Variants in DOCK4 observed in about 807,000 individuals in gnomAD.
DOCK4 encodes the protein dedicator of cytokinesis 4.
DOCK4 carries 97 observed loss-of-function variants against 268.1 expected under a neutral mutation model. The observed-to-expected ratio is 0.36, with a 90% confidence interval of 0.31 to 0.43. The LOEUF (loss-of-function observed/expected upper bound fraction) is 0.43. DOCK4 is among the 20% of genes least tolerant of loss of function. DOCK4 has a pLI of 1.00. For synonymous variants in DOCK4, 954 were observed against 887.2 expected (o/e 1.08, Z -1.34); for missense variants, 2,145 against 2,455.7 (o/e 0.87, Z 2.67).
intron 26 of DOCK4, among the ~76,000 whole-genome samples, chr7:111,830,105 T>C (rs939947466): frequency 1.3e-5 from 2 of 152,176 alleles, no homozygotes; most frequent in Admixed American, 6.5e-5. Flanking sequence ...TTAAACAAAA[T>C]TGAGCACAGG....
At chr7:111,984,817 G>A (rs986303902) in intron 6 of DOCK4, among the ~76,000 whole-genome samples, 1 of 152,220 alleles carries the variant, frequency 6.6e-6, no homozygotes, top group Non-Finnish European at 1.5e-5. Flanking sequence ...CCTAGCACCA[G>A]TATACCTAGC....
At chr7:111,942,729 G>C (rs566923710) in intron 10 of DOCK4, among the ~76,000 whole-genome samples, 5 of 152,154 alleles carry the variant, frequency 3.3e-5, no homozygotes, top group African/African-American at 1.2e-4. Context: ...TTATACTCCT[G>C]CTCTTTTCAA....
At chr7:112,129,856 A>T (rs1813634931) in intron 1 of DOCK4, among the ~76,000 whole-genome samples, 1 of 152,188 alleles carries the variant, frequency 6.6e-6, no homozygotes, top group African/African-American at 2.4e-5. Context: ...AACAGAGACT[A>T]GATCTCATGC....
intron 1 of DOCK4, among the ~76,000 whole-genome samples, chr7:112,087,028 T>C (rs1809154471): frequency 6.6e-6 from 1 of 152,118 alleles, no homozygotes; most frequent in African/African-American, 2.4e-5. Flanking sequence ...AAAACTGAGA[T>C]AACCCTCAGG....
At chr7:111,836,978 A>G (rs549296484) in intron 25 of DOCK4, among the ~76,000 whole-genome samples, 111 of 152,258 alleles carry the variant, frequency 7.3e-4, no homozygotes, top group Middle Eastern at 3.4e-3. Flanking sequence ...AGAAATGAGA[A>G]AAAAACTTTT....
chr7:112,134,894 A>G (rs770447505), intron 1 of DOCK4, among the ~76,000 whole-genome samples: 9 of 152,144 alleles, frequency 5.9e-5, no homozygotes, highest in Non-Finnish European at 1.3e-4. Flanking sequence ...TCAGAATAAA[A>G]ATAATACATC....
At chr7:111,785,794 C>T (rs994243927) in intron 32 of DOCK4, among the ~76,000 whole-genome samples, 5 of 152,088 alleles carry the variant, frequency 3.3e-5, no homozygotes, top group Admixed American at 2.0e-4. Context: ...GCTAGGGAAC[C>T]CTGATAACAG....
At chr7:112,110,990 T>C (rs150578536) in intron 1 of DOCK4, among the ~76,000 whole-genome samples, 44 of 152,244 alleles carry the variant, frequency 2.9e-4, no homozygotes, top group African/African-American at 9.9e-4. Flanking sequence ...CAAACCCCCA[T>C]TGCCCCTTGG....
chr7:112,139,913 C>T (rs1361896716), intron 1 of DOCK4, among the ~76,000 whole-genome samples: 1 of 152,206 alleles, frequency 6.6e-6, no homozygotes, highest in South Asian at 2.1e-4. Context: ...CTGTGAGGAG[C>T]TCCAACCAAG....
intron 8 of DOCK4, among the ~76,000 whole-genome samples, chr7:111,969,559 A>G (rs1797533739): frequency 6.6e-6 from 1 of 152,040 alleles, no homozygotes; most frequent in Non-Finnish European, 1.5e-5. Context: ...AATTCAAACA[A>G]TCCTGCAAAG....
In DOCK4 at chr7:111,739,194, GCA is replaced by G; in HGVS notation, c.5170_5171del (p.Cys1724ProfsTer25). 1 of 1,614,000 alleles carries G rather than the reference GCA, an allele frequency of 6.2e-7. No individual in the cohort carries two copies. Among genetic ancestry groups the G allele is most frequent in the Middle Eastern group, 1.6e-4 (1 of 6,062 alleles). ...DKHKHSRENS[C>X]LSPRERPCSA... ...TGCATGGTCTCTCTCTTGGTGACAG[GCA>G]AGAGTTTTCTCGGGAATGTTTGTGT... On this transcript the variant is annotated frameshift_variant, in exon 49 of 53. Transcript: ENST00000428084. LOFTEE classifies it high-confidence loss of function.
chr7:111,773,580 C>T (rs1427642080), intron 36 of DOCK4, among the ~76,000 whole-genome samples: 2 of 151,590 alleles, frequency 1.3e-5, no homozygotes, highest in African/African-American at 4.8e-5. Context: ...CTTTTTGAAT[C>T]GAGAATTACC....
At chr7:112,160,140 TCTC>T (rs1372905408) in intron 1 of DOCK4, among the ~76,000 whole-genome samples, 1 of 152,148 alleles carries the variant, frequency 6.6e-6, no homozygotes, top group Non-Finnish European at 1.5e-5. Context: ...CAACCTGTAT[TCTC>T]CTCTGTCTAT....
chr7:112,096,824 A>C (rs575948824), intron 1 of DOCK4, among the ~76,000 whole-genome samples: 193 of 152,326 alleles, frequency 1.3e-3, no homozygotes, highest in Middle Eastern at 3.4e-3. Flanking sequence ...AGTATGGAGA[A>C]GGGCAACTGG....
intron 1 of DOCK4, among the ~76,000 whole-genome samples, chr7:112,008,961 C>T (rs2135346961): frequency 6.6e-6 from 1 of 152,336 alleles, no homozygotes; most frequent in South Asian, 2.1e-4. Context: ...CCACTGCACT[C>T]CAGCCTGGGC....
chr7:111,734,603 G>A (rs1051528162), intron 51 of DOCK4, among the ~76,000 whole-genome samples: 16 of 152,202 alleles, frequency 1.1e-4, no homozygotes, highest in Non-Finnish European at 7.3e-5. Flanking sequence ...TGGATACAAA[G>A]TTAATGACTC....
chr7:111,859,534 G>A (rs2134164071), intron 23 of DOCK4, among the ~76,000 whole-genome samples: 1 of 147,054 alleles, frequency 6.8e-6, no homozygotes, highest in African/African-American at 2.5e-5. Flanking sequence ...TCCTTTTGCT[G>A]TTGTAAAAAT....
At chr7:111,806,714 G>A (rs1291546373) in intron 30 of DOCK4, among the ~76,000 whole-genome samples, 1 of 152,210 alleles carries the variant, frequency 6.6e-6, no homozygotes, top group Non-Finnish European at 1.5e-5. Flanking sequence ...ACAGACTGCT[G>A]TGCCCCAATC....
chr7:111,922,394 A>G (rs1793216136), intron 12 of DOCK4, among the ~76,000 whole-genome samples: 1 of 152,232 alleles, frequency 6.6e-6, no homozygotes, highest in Non-Finnish European at 1.5e-5. Flanking sequence ...TAAGTAATTG[A>G]CTTAAATACT....
Sources: allele counts gnomAD v4.1 joint callset (sites outside exome capture counted in the v4.1 genomes callset), GRCh38; gene constraint gnomAD v4.1.1; transcripts MANE v1.5; gene names NCBI Gene and HGNC (gene_info 2026-07-23, HGNC 2026-07-21).